The following TENM3 variants were observed in gnomAD, a reference collection of about 807,000 sequenced individuals.
The protein encoded by TENM3 is teneurin-3.
TENM3 carries 63 observed loss-of-function variants against 255.1 expected under a neutral mutation model. That is an observed-to-expected ratio of 0.25 (90% CI 0.20 to 0.30). The LOEUF (loss-of-function observed/expected upper bound fraction) is 0.30, where lower values mean the gene tolerates loss of function less well. TENM3 is among the 10% of genes least tolerant of loss of function. The probability of loss-of-function intolerance (pLI) is 1.00; values close to 1 mark genes in which losing one functional copy is unlikely to be tolerated. For synonymous variants in TENM3, 1,306 were observed against 1,322.3 expected (o/e 0.99, Z 0.27); for missense variants, 2,929 against 3,461.1 (o/e 0.85, Z 3.86).
At chr4:182,245,389 G>T (rs575912573) in intron 1 of TENM3, among the ~76,000 whole-genome samples, 7 of 152,218 alleles carry the variant, frequency 4.6e-5, no homozygotes, top group South Asian at 2.1e-4. Context: ...TGTTGTTGTT[G>T]ATTTGTGTCA....
At chr4:182,149,107 A>C (rs920528087) in intron 1 of TENM3, among the ~76,000 whole-genome samples, 2 of 151,986 alleles carry the variant, frequency 1.3e-5, no homozygotes, top group African/African-American at 2.4e-5. Context: ...GAAGGAAAAA[A>C]ACTTGATAAG....
In TENM3 at chr4:182,482,605, C is replaced by A. The variant is rs546576373; in HGVS notation, c.512-118319C>A. On this transcript the variant is annotated intron_variant, in intron 3 of 27. Transcript: ENST00000511685. ...TAAAATGAGAAAATTTCTTTCTTAACCTTTTGCAATTTTAGTATAATTTTG... is the reference window on the plus strand; with the variant it reads ...TAAAATGAGAAAATTTCTTTCTTAAACTTTTGCAATTTTAGTATAATTTTG... 3.9e-5 allele frequency among the ~76,000 whole-genome samples: 6 copies of A among 152,228 alleles called. No homozygotes were observed. The South Asian group carries it at 1.2e-3, about 32-fold the overall frequency.
chr4:182,162,493 T>C (rs1263582755), intron 1 of TENM3, among the ~76,000 whole-genome samples: 1 of 152,172 alleles, frequency 6.6e-6, no homozygotes, highest in Non-Finnish European at 1.5e-5. Flanking sequence ...GAGAGAGGAA[T>C]GTATAGGGTG....
the TENM3 span, among the ~76,000 whole-genome samples, chr4:182,035,614 C>T: frequency 6.6e-6 from 1 of 152,124 alleles, no homozygotes; most frequent in Non-Finnish European, 1.5e-5. Flanking sequence ...AAATTTCACT[C>T]GAGCCTTTTT....
chr4:182,209,129 G>A (rs190194305), intron 1 of TENM3, among the ~76,000 whole-genome samples: 2 of 151,992 alleles, frequency 1.3e-5, no homozygotes, highest in Admixed American at 6.5e-5. Flanking sequence ...CACCATGCCC[G>A]GCCAATTTTT....
the TENM3 span, among the ~76,000 whole-genome samples, chr4:182,012,089 A>G: frequency 3.9e-5 from 6 of 152,166 alleles, no homozygotes; most frequent in Admixed American, 2.0e-4. Flanking sequence ...ATGTCAGCCA[A>G]TTAAGGCCCC....
At chr4:182,626,452 A>C (rs1173019637) in intron 4 of TENM3, among the ~76,000 whole-genome samples, 1 of 152,224 alleles carries the variant, frequency 6.6e-6, no homozygotes, top group Non-Finnish European at 1.5e-5. Flanking sequence ...TACTAATGTA[A>C]ACACTTTATA....
At chr4:181,797,576 G>A in the TENM3 span, among the ~76,000 whole-genome samples, 18 of 152,220 alleles carry the variant, frequency 1.2e-4, no homozygotes, top group Admixed American at 2.6e-4. Flanking sequence ...TCTATAAGCC[G>A]TGACTTTGTA....
At chr4:182,072,721 T>C in the TENM3 span, among the ~76,000 whole-genome samples, 1 of 152,316 alleles carries the variant, frequency 6.6e-6, no homozygotes, top group African/African-American at 2.4e-5. Flanking sequence ...TTTGTGGCTC[T>C]GGGTAGGGCT....
chr4:182,204,524 A>G (rs1010526395), intron 1 of TENM3, among the ~76,000 whole-genome samples: 2 of 152,168 alleles, frequency 1.3e-5, no homozygotes, highest in Admixed American at 1.3e-4. Flanking sequence ...GACACTGTAT[A>G]CACCCCTGCG....
the TENM3 span, among the ~76,000 whole-genome samples, chr4:181,598,656 C>T: frequency 1.3e-5 from 2 of 148,702 alleles, no homozygotes; most frequent in African/African-American, 2.5e-5. Flanking sequence ...CAATGTTTAA[C>T]ATATCCTGAT....
At chr4:181,657,568 A>C in the TENM3 span, among the ~76,000 whole-genome samples, 3 of 152,204 alleles carry the variant, frequency 2.0e-5, no homozygotes, top group African/African-American at 7.2e-5. Flanking sequence ...CGGCCACTGC[A>C]GAAAGCACTT....
At chr4:182,701,744 G>A (rs1295849128) in intron 12 of TENM3, among the ~76,000 whole-genome samples, 2 of 152,176 alleles carry the variant, frequency 1.3e-5, no homozygotes, top group Non-Finnish European at 2.9e-5. Context: ...CAAAAGTCTA[G>A]ATATGCAATT....
chr4:181,554,321 CAG>C, the TENM3 span, among the ~76,000 whole-genome samples: 1 of 152,184 alleles, frequency 6.6e-6, no homozygotes, highest in Non-Finnish European at 1.5e-5. Context: ...AAAACATTAA[CAG>C]AGTGAGTTTA....
At chr4:181,566,053 C>T in the TENM3 span, among the ~76,000 whole-genome samples, 2 of 151,796 alleles carry the variant, frequency 1.3e-5, no homozygotes, top group Non-Finnish European at 2.9e-5. Context: ...CAACTATTTC[C>T]ACAAAAACCT....
At chr4:181,797,285 C>A in the TENM3 span, among the ~76,000 whole-genome samples, 1 of 151,852 alleles carries the variant, frequency 6.6e-6, no homozygotes, top group East Asian at 1.9e-4. Flanking sequence ...CGGTATTGAA[C>A]TGCAGGCAAC....
chr4:182,014,814 C>A, the TENM3 span, among the ~76,000 whole-genome samples: 1 of 152,038 alleles, frequency 6.6e-6, no homozygotes, highest in African/African-American at 2.4e-5. Flanking sequence ...GGAGAGCATG[C>A]CCTGGGACCA....
intron 5 of TENM3, among the ~76,000 whole-genome samples, chr4:182,636,974 G>A (rs1323742777): frequency 6.6e-6 from 1 of 152,128 alleles, no homozygotes; most frequent in Non-Finnish European, 1.5e-5. Flanking sequence ...AAAGCTTAAT[G>A]CAATATTTAC....
the TENM3 span, among the ~76,000 whole-genome samples, chr4:182,008,279 G>C: frequency 6.6e-6 from 1 of 152,048 alleles, no homozygotes; most frequent in Non-Finnish European, 1.5e-5. Context: ...GAATTTTCCT[G>C]TCTTGCTAGG....
Sources: allele counts gnomAD v4.1 joint callset (sites outside exome capture counted in the v4.1 genomes callset), GRCh38; gene constraint gnomAD v4.1.1; transcripts MANE v1.5; gene names NCBI Gene and HGNC (gene_info 2026-07-23, HGNC 2026-07-21).